The following SNTG1 variants were observed in gnomAD, a reference collection of about 807,000 sequenced individuals.
SNTG1 encodes syntrophin gamma 1, also known as gamma-1-syntrophin.
A neutral mutation model predicts 74.7 loss-of-function variants in SNTG1; 39 were observed. That is an observed-to-expected ratio of 0.52 (90% confidence interval 0.40 to 0.68). The LOEUF is 0.68. Among genes scored for constraint, SNTG1 ranks in the 30% least tolerant of loss-of-function variants. The pLI, the probability that SNTG1 is intolerant of heterozygous loss-of-function variation, is 0.00. For missense variants in SNTG1, 685 were observed against 609.5 expected (o/e 1.12, Z -1.30); for synonymous variants, 254 against 217.1 (o/e 1.17, Z -1.49).
chr8:50,260,133 C>A (rs1334067412), intron 2 of SNTG1, among the ~76,000 whole-genome samples: 1 of 152,072 alleles, frequency 6.6e-6, no homozygotes, highest in Non-Finnish European at 1.5e-5. Flanking sequence ...ACCCTCAAAA[C>A]CAAATAGTTT....
In SNTG1 at chr8:50,379,134, G is replaced by A. The variant is rs190691195; in HGVS notation, c.-27-15078G>A. Among the ~76,000 whole-genome samples, 153 of 152,294 alleles carry A rather than the reference G, an allele frequency of 1.0e-3. 1 individual carries two copies. Among genetic ancestry groups the A allele is most frequent in the Admixed American group, 8.2e-3 (126 of 15,300 alleles). ...CTCAGCTTCCCTTCTGTGCTAGTTG[G>A]TGCCCCAAGTCTGGAGGCAGCTGAA... On this transcript the variant is annotated intron_variant, in intron 2 of 18. Coordinates refer to ENST00000642720, the MANE Select transcript of SNTG1 (RefSeq NM_018967.5).
intron 15 of SNTG1, among the ~76,000 whole-genome samples, chr8:50,692,688 T>A (rs1314384945): frequency 6.6e-6 from 1 of 152,196 alleles, no homozygotes; most frequent in South Asian, 2.1e-4. Context: ...GTTAGGCTAC[T>A]TGGGGGTCAG....
intron 1 of SNTG1, among the ~76,000 whole-genome samples, chr8:50,118,928 C>T (rs2080912164): frequency 7.1e-6 from 1 of 140,112 alleles, no homozygotes; most frequent in Non-Finnish European, 1.6e-5. Context: ...GAGACAGATG[C>T]CTGTTTTCTG....
chr8:50,511,006 T>C (rs2094067453), intron 9 of SNTG1, among the ~76,000 whole-genome samples: 1 of 152,218 alleles, frequency 6.6e-6, no homozygotes, highest in Admixed American at 6.5e-5. Flanking sequence ...AACTGTGATG[T>C]TAGGGTGTCA....
At chr8:50,396,597 A>T (rs998109274) in intron 3 of SNTG1, among the ~76,000 whole-genome samples, 2 of 152,234 alleles carry the variant, frequency 1.3e-5, no homozygotes, top group African/African-American at 4.8e-5. Context: ...CACTTGAAAC[A>T]TGGAAATACT....
chr8:50,486,172 C>A (rs1268502780), intron 8 of SNTG1, among the ~76,000 whole-genome samples: 1 of 151,580 alleles, frequency 6.6e-6, no homozygotes, highest in Non-Finnish European at 1.5e-5. Flanking sequence ...GTAGTTTTTT[C>A]CAATTCTGTG....
intron 1 of SNTG1, among the ~76,000 whole-genome samples, chr8:49,974,858 T>C (rs1210171014): frequency 6.6e-6 from 1 of 152,152 alleles, no homozygotes; most frequent in African/African-American, 2.4e-5. Flanking sequence ...AAGAATCTTG[T>C]GGGTAATTGG....
At chr8:50,392,935 G>A (rs1408716125) in intron 2 of SNTG1, among the ~76,000 whole-genome samples, 1 of 152,076 alleles carries the variant, frequency 6.6e-6, no homozygotes, top group Non-Finnish European at 1.5e-5. Context: ...TTAGTAGCAA[G>A]AAATTGATTC....
chr8:50,651,860 A>G lies in SNTG1; in HGVS notation c.850-5049A>G, dbSNP rs189076050. Among the ~76,000 whole-genome samples, 293 of 151,092 alleles carry G rather than the reference A, an allele frequency of 1.9e-3. 1 individual carries two copies. Among genetic ancestry groups the G allele is most frequent in the African/African-American group, 7.0e-3 (287 of 41,086 alleles). ...AATGGCATGATCTCAGCTCACTGCA[A>G]CCTCCACCTCCCAGGTTCAAGTGAT... On this transcript the variant is annotated intron_variant, in intron 13 of 18. Transcript: ENST00000642720.
At chr8:50,719,703 T>C (rs1196713189) in intron 17 of SNTG1, among the ~76,000 whole-genome samples, 1 of 152,198 alleles carries the variant, frequency 6.6e-6, no homozygotes, top group African/African-American at 2.4e-5. Flanking sequence ...GGTGCTTTCT[T>C]TACCACATGA....
intron 2 of SNTG1, among the ~76,000 whole-genome samples, chr8:50,386,065 T>C (rs931374948): frequency 6.6e-6 from 1 of 152,236 alleles, no homozygotes; most frequent in African/African-American, 2.4e-5. Context: ...GTAGTTCTAA[T>C]GGCATCCATT....
At chr8:49,996,024 C>G (rs1215616171) in intron 1 of SNTG1, among the ~76,000 whole-genome samples, 1 of 152,086 alleles carries the variant, frequency 6.6e-6, no homozygotes, top group East Asian at 1.9e-4. Flanking sequence ...CTCAATTTTA[C>G]AGAAAAAGAT....
At chr8:50,269,778 A>C (rs995423973) in intron 2 of SNTG1, among the ~76,000 whole-genome samples, 1 of 152,136 alleles carries the variant, frequency 6.6e-6, no homozygotes, top group Admixed American at 6.6e-5. Flanking sequence ...GGATTCTGTA[A>C]GGTAGTCAGA....
In SNTG1 at chr8:50,392,712, T is replaced by C. The variant is rs114158783; in HGVS notation, c.-27-1500T>C. On this transcript the variant is annotated intron_variant, in intron 2 of 18. Transcript: ENST00000642720. Reference sequence around the variant, plus strand: ...ACAACTGATATTATCACCTAATGTTTTGATGAAAAAGAATAGAAGATTAGA... The same window carrying C: ...ACAACTGATATTATCACCTAATGTTCTGATGAAAAAGAATAGAAGATTAGA... 1.8e-3 allele frequency among the ~76,000 whole-genome samples: 281 copies of C among 152,264 alleles called. 2 individuals carry two copies. The highest frequency in any genetic ancestry group is 6.4e-3 in the African/African-American group (268 of 41,560).
intron 15 of SNTG1, among the ~76,000 whole-genome samples, chr8:50,672,538 T>C (rs1281583803): frequency 1.4e-3 from 1 of 712 alleles, no homozygotes; most frequent in Non-Finnish European, 2.1e-3. Flanking sequence ...GGTTGTTTGT[T>C]TTTTTTCTTG....
At chr8:50,658,412 A>T (rs565447463) in intron 14 of SNTG1, among the ~76,000 whole-genome samples, 180 bp from the exon 15 acceptor site, 3 of 152,318 alleles carry the variant, frequency 2.0e-5, no homozygotes, top group Admixed American at 2.0e-4. Context: ...ATGGTAACAA[A>T]GCTTGGAAAA....
rs181958320 is a variant in SNTG1, at chr8:50,158,763, A to T, written c.-102-13798A>T. Among the ~76,000 whole-genome samples, 17 of 152,246 alleles carry T rather than the reference A, an allele frequency of 1.1e-4. No homozygotes were observed. The East Asian group carries it at 3.3e-3, about 29-fold the overall frequency. ...GATTCAATTTTTTGCTATGATAAAG[A>T]TGCTTTGGTGAACAGACATTCTGGT... is the stretch of plus-strand genomic sequence containing the variant. On this transcript the variant is annotated intron_variant, in intron 1 of 18. Coordinates refer to ENST00000642720, the MANE Select transcript of SNTG1 (RefSeq NM_018967.5).
At chr8:50,123,735 G>C (rs564549018) in intron 1 of SNTG1, among the ~76,000 whole-genome samples, 1 of 141,724 alleles carries the variant, frequency 7.1e-6, no homozygotes, top group Non-Finnish European at 1.6e-5. Flanking sequence ...GCCAAAAGAA[G>C]GGACATCTTC....
intron 2 of SNTG1, among the ~76,000 whole-genome samples, chr8:50,361,017 T>C (rs567287533): frequency 6.6e-6 from 1 of 152,382 alleles, no homozygotes; most frequent in East Asian, 1.9e-4. Context: ...TTTGCTGTTT[T>C]TTAACTCTTT....
Sources: allele counts gnomAD v4.1 joint callset (sites outside exome capture counted in the v4.1 genomes callset), GRCh38; gene constraint gnomAD v4.1.1; transcripts MANE v1.5; gene names NCBI Gene and HGNC (gene_info 2026-07-23, HGNC 2026-07-21).